The following PLBD1 variants were observed in gnomAD, a reference collection of about 807,000 sequenced individuals.
The protein encoded by PLBD1 is lysosomal leucine aminopeptidase.
Under a neutral mutation model 63.0 loss-of-function variants are expected in PLBD1, and 60 were observed. That is an observed-to-expected ratio of 0.95 (90% confidence interval 0.77 to 1.18). The LOEUF (loss-of-function observed/expected upper bound fraction) is 1.18. Among genes scored for constraint, PLBD1 ranks in the 50% most tolerant of loss-of-function variants. The pLI is 0.00. For synonymous variants in PLBD1, 262 were observed against 248.0 expected (o/e 1.06, Z -0.53); for missense variants, 598 against 677.9 (o/e 0.88, Z 1.31).
rs1232809140 is a variant in PLBD1, at chr12:14,567,669, G to A, written c.28C>T (p.Pro10Ser). 2 of 1,482,398 alleles carry A rather than the reference G, an allele frequency of 1.3e-6. No individual in the cohort carries two copies. The highest frequency in any genetic ancestry group is 1.8e-6 in the Non-Finnish European group (2 of 1,126,366). The allele number at this position is 1,482,398 out of a possible 1,614,324, so 91.8% of individuals were successfully genotyped here. The change falls in exon 1 of 11, where the codon CCG (proline) becomes TCG (serine). Residue 10 changes from proline to serine, a missense_variant. By Grantham distance (74) the Pro-to-Ser change is moderately conservative. Transcript: ENST00000240617. MTRGGPGGR[P>S]GLPQPPPLLL... ...AGCGGTGGCGGCTGTGGCAGCCCCGGGCGCCCGCCCGGACCGCCGCGGGTC... is the reference window on the plus strand; with the variant it reads ...AGCGGTGGCGGCTGTGGCAGCCCCGAGCGCCCGCCCGGACCGCCGCGGGTC...
In PLBD1 at chr12:14,536,642, G is replaced by C; in HGVS notation, c.627C>G (p.Leu209=). Residue 209 remains leucine (L), a synonymous_variant, in exon 5 of 11, where the codon CTC becomes CTG. Transcript: ENST00000240617. ...VGDLLDLIPS[L]SPTKNGSLKV... The stretch of plus-strand genomic sequence containing the variant: ...TTAGGCTGCCGTTTTTTGTGGGAGA[G>C]AGTGAGGGAATCAGATCCAATAGAT... 6.2e-7 allele frequency: 1 copy of C among 1,614,148 alleles called. No homozygotes were observed. Among genetic ancestry groups the C allele is most frequent in the Non-Finnish European group, 8.5e-7 (1 of 1,179,982 alleles).
intron 2 of PLBD1, among the ~76,000 whole-genome samples, chr12:14,549,122 A>C (rs1249217431): frequency 6.6e-6 from 1 of 152,248 alleles, no homozygotes; most frequent in African/African-American, 2.4e-5. Context: ...ACACTCCATT[A>C]CATGGAAATA....
intron 2 of PLBD1, among the ~76,000 whole-genome samples, chr12:14,543,364 C>A (rs538451369): frequency 3.3e-5 from 5 of 152,254 alleles, no homozygotes; most frequent in Non-Finnish European, 7.4e-5. Context: ...TTGACATCCT[C>A]CATCATGTTA....
chr12:14,553,191 AC>A lies in PLBD1; in HGVS notation c.335+1del, dbSNP rs1445681982. 1.9e-6 allele frequency: 3 copies of A among 1,605,802 alleles called. No individual in the cohort carries two copies. The highest frequency in any genetic ancestry group is 2.6e-6 in the Non-Finnish European group (3 of 1,176,274). ...TGGCTCTACCATGACTGGGATACTT[AC>A]GGGGCAGTGAGGTAACCCTCCAAAA... On this transcript the variant is annotated splice_donor_variant, in intron 2 of 10. Coordinates refer to ENST00000240617, the MANE Select transcript of PLBD1 (RefSeq NM_024829.6). LOFTEE classifies it high-confidence loss of function.
At chr12:14,535,838 A>C in intron 5 of PLBD1, 35 bp from the exon 6 acceptor site, 1 of 1,595,466 alleles carries the variant, frequency 6.3e-7, no homozygotes, top group Non-Finnish European at 8.5e-7. Flanking sequence ...ACACAGATGT[A>C]CATAGCTAAC....
At chr12:14,536,549 A>G in intron 5 of PLBD1, 21 bp downstream of exon 5, 1 of 1,612,074 alleles carries the variant, frequency 6.2e-7, no homozygotes, top group Non-Finnish European at 8.5e-7. Context: ...GAACAAGGCA[A>G]AAGGAGCTGC....
Position 14,556,490 on chromosome 12 carries a change from C to T in PLBD1, c.116-3078G>A, listed in dbSNP as rs1177281809. On this transcript the variant is annotated intron_variant, in intron 1 of 10. Coordinates refer to ENST00000240617, the MANE Select transcript of PLBD1 (RefSeq NM_024829.6). ...TTTCAAACGATTCTCCTGCCTCAGC[C>T]TCCCGAGTAGCTGAGACTACAGGCA... Among the ~76,000 whole-genome samples, 4 of 151,920 alleles carry T rather than the reference C, an allele frequency of 2.6e-5. No individual in the cohort carries two copies. In the South Asian group the frequency reaches 6.2e-4, roughly 24 times the overall value.
At chr12:14,536,454 C>G in intron 5 of PLBD1, 116 bp downstream of exon 5, 3 of 1,133,604 alleles carry the variant, frequency 2.6e-6, no homozygotes, top group Non-Finnish European at 3.8e-6. Flanking sequence ...CATTGAAGAA[C>G]TCATGAGCTG....
At position 14,540,014 on chromosome 12, in the gene PLBD1, A is replaced by AATTT. The variant is rs1565577488; in HGVS notation, c.558+749_558+750insAAAT. On this transcript the variant is annotated intron_variant, in intron 4 of 10. Transcript: ENST00000240617. ...AAAAGTTCAAAGAAAAGCTATGCAC[A>AATTT]TATATATATATATATATATATATAT... is the stretch of plus-strand genomic sequence containing the variant. Among the ~76,000 whole-genome samples the AATTT allele has an allele frequency of 4.1e-5, 4 of 96,490 alleles. No homozygotes were observed. In the East Asian group the frequency reaches 1.2e-3, roughly 29 times the overall value. 63.3% of individuals were successfully genotyped at this position (96,490 alleles called of 152,430 possible).
intron 2 of PLBD1, among the ~76,000 whole-genome samples, chr12:14,546,756 A>T (rs531400559): frequency 4.6e-5 from 7 of 152,374 alleles, no homozygotes; most frequent in South Asian, 4.1e-4. Context: ...AAACAGAGGA[A>T]CATTAATCCT....
In PLBD1 at chr12:14,537,872, A is replaced by G. The variant is rs552682008; in HGVS notation, c.559-1162T>C. On this transcript the variant is annotated intron_variant, in intron 4 of 10. Transcript: ENST00000240617. ...TAAAAAAAATTATAACAAAGTTTATATCAGAAAGTCTCCTCCTTTACCTGT... is the reference window on the plus strand; with the variant it reads ...TAAAAAAAATTATAACAAAGTTTATGTCAGAAAGTCTCCTCCTTTACCTGT... Among the ~76,000 whole-genome samples the G allele has an allele frequency of 6.0e-3, 522 of 87,528 alleles. 5 individuals are homozygous for G. The highest frequency in any genetic ancestry group is 8.6e-3 in the Non-Finnish European group (339 of 39,230). 57.4% of individuals were successfully genotyped at this position (87,528 alleles called of 152,430 possible). A position where few individuals can be genotyped will look rare whatever the true frequency, so the allele number is the denominator to read the frequency against.
chr12:14,506,329 A>G (rs1945256000), intron 9 of PLBD1, 61 bp from the exon 10 acceptor site: 2 of 1,280,030 alleles, frequency 1.6e-6, no homozygotes, highest in South Asian at 1.2e-5. Context: ...ACTTCTCCAC[A>G]GTAAGGTTTT....
At chr12:14,521,810 T>C (rs946274754) in intron 6 of PLBD1, among the ~76,000 whole-genome samples, 4 of 151,902 alleles carry the variant, frequency 2.6e-5, no homozygotes, top group African/African-American at 9.7e-5. Context: ...CTTAAAGAAA[T>C]GGCAATTTAC....
At chr12:14,516,153 AC>A (rs758143687) in intron 6 of PLBD1, among the ~76,000 whole-genome samples, 6 of 151,702 alleles carry the variant, frequency 4.0e-5, no homozygotes, top group Non-Finnish European at 7.4e-5. Flanking sequence ...ACATGGTGAA[AC>A]CCCGTCTCTA....
rs560250664 is a variant in PLBD1, at chr12:14,538,722, AT to A, written c.559-2013del. 4.0e-3 allele frequency among the ~76,000 whole-genome samples: 608 copies of A among 152,110 alleles called. 1 individual carries two copies. The highest frequency in any genetic ancestry group is 6.7e-3 in the Non-Finnish European group (454 of 68,008). On this transcript the variant is annotated intron_variant, in intron 4 of 10. Coordinates refer to ENST00000240617, the MANE Select transcript of PLBD1 (RefSeq NM_024829.6). ...ATATTGCCAAATTGTCCTCATACGA[AT>A]TGTTTAAATTATACTCTTCTGGCCG...
chr12:14,546,490 G>C (rs897161571), intron 2 of PLBD1, among the ~76,000 whole-genome samples: 4 of 152,082 alleles, frequency 2.6e-5, no homozygotes, highest in Admixed American at 1.3e-4. Context: ...GCTCCACCCA[G>C]AGTTCCAGAT....
chr12:14,539,535 C>G (rs1223943712), intron 4 of PLBD1, among the ~76,000 whole-genome samples: 2 of 151,882 alleles, frequency 1.3e-5, no homozygotes, highest in African/African-American at 4.8e-5. Flanking sequence ...CCTGTAATCC[C>G]AGCACTTTGG....
intron 6 of PLBD1, chr12:14,531,035 T>G (rs1395694547): frequency 6.6e-6 from 1 of 152,248 alleles, no homozygotes; most frequent in East Asian, 1.9e-4. Context: ...TTTGTCTTTT[T>G]TAACAGGGCC....
intron 9 of PLBD1, among the ~76,000 whole-genome samples, chr12:14,506,485 ACAC>A (rs1207620297): frequency 6.6e-6 from 1 of 152,256 alleles, no homozygotes; most frequent in African/African-American, 2.4e-5. Context: ...CAAGAACCTT[ACAC>A]AGTGAAAAAT....
Sources: gnomAD v4.1 joint callset for allele counts (sites outside exome capture counted in the v4.1 genomes callset) on GRCh38, gnomAD v4.1.1 for gene constraint, MANE v1.5 for transcripts, NCBI Gene and HGNC (gene_info 2026-07-23, HGNC 2026-07-21) for gene names.